Variants in SEZ6L observed in about 807,000 individuals in gnomAD.
SEZ6L encodes the protein seizure 6-like protein.
A neutral mutation model predicts 106.2 loss-of-function variants in SEZ6L; 37 were observed. That is an observed-to-expected ratio of 0.35 (90% CI 0.27 to 0.46). SEZ6L has a LOEUF of 0.46. SEZ6L is among the 20% of genes least tolerant of loss of function. SEZ6L has a pLI of 1.00. For missense variants in SEZ6L, 1,172 were observed against 1,332.8 expected (o/e 0.88, Z 1.88); for synonymous variants, 541 against 570.4 (o/e 0.95, Z 0.73).
chr22:26,369,356 T>TTTTTTTTTTTTTTTTTTTTTTTTG, intron 13 of SEZ6L, among the ~76,000 whole-genome samples: 1 of 127,142 alleles, frequency 7.9e-6, no homozygotes, highest in African/African-American at 3.0e-5. Context: ...GTTTTTTTTT[T>TTTTTTTTTTTTTTTTTTTTTTTTG]TGAGACAGAT....
chr22:26,353,619 A>T (rs2083344946), intron 12 of SEZ6L, among the ~76,000 whole-genome samples: 1 of 152,212 alleles, frequency 6.6e-6, no homozygotes, highest in East Asian at 1.9e-4. Flanking sequence ...TCCCCAAAAG[A>T]TATGTTAAAG....
intron 13 of SEZ6L, among the ~76,000 whole-genome samples, chr22:26,368,269 T>C (rs761736971): frequency 1.3e-5 from 2 of 152,108 alleles, no homozygotes; most frequent in Non-Finnish European, 2.9e-5. Context: ...CCAAAAGAAG[T>C]GAAACAGGTA....
At chr22:26,312,193 A>C (rs1171597322) in intron 8 of SEZ6L, among the ~76,000 whole-genome samples, 1 of 152,270 alleles carries the variant, frequency 6.6e-6, no homozygotes, top group Admixed American at 6.5e-5. Flanking sequence ...TAGGTCCCAC[A>C]GTGCACAGCT....
intron 1 of SEZ6L, among the ~76,000 whole-genome samples, chr22:26,280,447 A>G (rs1236477961): frequency 2.0e-5 from 3 of 152,148 alleles, no homozygotes; most frequent in African/African-American, 7.2e-5. Context: ...ATGCAAATAT[A>G]TGTAGCCTTG....
intron 9 of SEZ6L, among the ~76,000 whole-genome samples, chr22:26,329,074 C>T (rs940017456): frequency 6.6e-6 from 1 of 152,084 alleles, no homozygotes; most frequent in African/African-American, 2.4e-5. Context: ...GCAGTGGGTT[C>T]ACAGCCTGGA....
At chr22:26,243,910 C>A (rs997721503) in intron 1 of SEZ6L, among the ~76,000 whole-genome samples, 5 of 151,996 alleles carry the variant, frequency 3.3e-5, no homozygotes, top group Admixed American at 3.3e-4. Flanking sequence ...CACCGGTAAT[C>A]CCAGCACTTT....
chr22:26,274,166 T>C (rs1411250249), intron 1 of SEZ6L, among the ~76,000 whole-genome samples: 1 of 152,238 alleles, frequency 6.6e-6, no homozygotes, highest in Non-Finnish European at 1.5e-5. Flanking sequence ...ACTAAAGTGA[T>C]CTAAGCTTCA....
At chr22:26,299,656 T>A (rs1009156655) in intron 5 of SEZ6L, among the ~76,000 whole-genome samples, 1 of 152,260 alleles carries the variant, frequency 6.6e-6, no homozygotes, top group Non-Finnish European at 1.5e-5. Context: ...TATCAGTACT[T>A]CATTTCTTTT....
chr22:26,313,227 A>T (rs2081894194), intron 8 of SEZ6L, among the ~76,000 whole-genome samples: 1 of 152,222 alleles, frequency 6.6e-6, no homozygotes, highest in Non-Finnish European at 1.5e-5. Context: ...GACACTGTGC[A>T]GCATGTTTGA....
At chr22:26,263,133 A>G (rs2080070919) in intron 1 of SEZ6L, among the ~76,000 whole-genome samples, 2 of 152,160 alleles carry the variant, frequency 1.3e-5, no homozygotes, top group South Asian at 2.1e-4. Context: ...CGGGTGCCAC[A>G]TGCCACATTA....
chr22:26,227,955 C>T (rs1256954639), intron 1 of SEZ6L, among the ~76,000 whole-genome samples: 1 of 152,192 alleles, frequency 6.6e-6, no homozygotes, highest in Non-Finnish European at 1.5e-5. Flanking sequence ...GGGACACAAG[C>T]CCCGCGAGAG....
intron 1 of SEZ6L, among the ~76,000 whole-genome samples, chr22:26,260,703 T>C (rs2079973411): frequency 6.6e-6 from 1 of 152,208 alleles, no homozygotes; most frequent in South Asian, 2.1e-4. Flanking sequence ...TGTGTGCAAG[T>C]ATCTTTTTCA....
At chr22:26,348,142 G>T (rs1254718291) in intron 11 of SEZ6L, among the ~76,000 whole-genome samples, 3 of 152,140 alleles carry the variant, frequency 2.0e-5, no homozygotes, top group African/African-American at 7.2e-5. Flanking sequence ...GATAAGCTGG[G>T]TGTGAGACAT....
intron 1 of SEZ6L, among the ~76,000 whole-genome samples, chr22:26,171,223 A>G (rs1423518531): frequency 6.6e-6 from 1 of 152,184 alleles, no homozygotes; most frequent in Admixed American, 6.5e-5. Context: ...AATGTCCACA[A>G]TTTACACCAG....
At chr22:26,276,015 G>A (rs899832332) in intron 1 of SEZ6L, among the ~76,000 whole-genome samples, 1 of 152,132 alleles carries the variant, frequency 6.6e-6, no homozygotes, top group African/African-American at 2.4e-5. Context: ...CAACCAGCCC[G>A]GCTTCAAATC....
intron 1 of SEZ6L, among the ~76,000 whole-genome samples, chr22:26,192,884 C>T (rs1940329395): frequency 6.6e-6 from 1 of 152,210 alleles, no homozygotes; most frequent in Non-Finnish European, 1.5e-5. Flanking sequence ...CAACCTCACA[C>T]TAAGGAAACT....
In SEZ6L at chr22:26,347,699, C is replaced by A; in HGVS notation, c.2213-20C>A. 1 of 1,588,026 alleles carries A rather than the reference C, an allele frequency of 6.3e-7. No homozygotes were observed. Among genetic ancestry groups the A allele is most frequent in the Non-Finnish European group, 8.5e-7 (1 of 1,170,632 alleles). ...ACAAGACTGCTTCCCCCATCTAAGA[C>A]TGACGTTTCTCTTTTAAAGAGGTAT... On this transcript the variant is annotated intron_variant, in intron 10 of 16. Transcript: ENST00000248933.
intron 1 of SEZ6L, among the ~76,000 whole-genome samples, chr22:26,237,101 C>T (rs1393217326): frequency 6.6e-6 from 1 of 152,212 alleles, no homozygotes; most frequent in Non-Finnish European, 1.5e-5. Flanking sequence ...GGCTTAGCTG[C>T]TCAACTCGAG....
intron 1 of SEZ6L, among the ~76,000 whole-genome samples, chr22:26,178,323 G>A (rs1939158355): frequency 6.6e-6 from 1 of 152,176 alleles, no homozygotes; most frequent in South Asian, 2.1e-4. Flanking sequence ...GTTAAATGAA[G>A]AGGCTCAAGG....
Sources: allele counts gnomAD v4.1 joint callset (sites outside exome capture counted in the v4.1 genomes callset), GRCh38; gene constraint gnomAD v4.1.1; transcripts MANE v1.5; gene names NCBI Gene and HGNC (gene_info 2026-07-23, HGNC 2026-07-21).